Variants in ADAMTS17 observed in about 807,000 individuals in gnomAD.
The protein encoded by ADAMTS17 is ADAM metallopeptidase with thrombospondin type 1 motif 17.
ADAMTS17 carries 113 observed loss-of-function variants against 141.5 expected under a neutral mutation model. The ratio of observed to expected loss-of-function variants is 0.80; its 90% confidence interval spans 0.69 to 0.93. The LOEUF (loss-of-function observed/expected upper bound fraction) is 0.93. Among genes scored for constraint, ADAMTS17 ranks in the 40% least tolerant of loss-of-function variants. ADAMTS17 has a pLI of 0.00. For synonymous variants in ADAMTS17, 768 were observed against 630.6 expected (o/e 1.22, Z -3.27); for missense variants, 1,659 against 1,517.9 (o/e 1.09, Z -1.54).
intron 7 of ADAMTS17, among the ~76,000 whole-genome samples, chr15:100,236,535 C>CA (rs1002472783): frequency 6.6e-6 from 1 of 150,664 alleles, no homozygotes; most frequent in Non-Finnish European, 1.5e-5. Flanking sequence ...TAAATCTTTA[C>CA]AAAAAACAAA....
chr15:100,139,252 C>T (rs77466153), intron 10 of ADAMTS17, among the ~76,000 whole-genome samples: 3,390 of 152,144 alleles, frequency 0.022, 131 homozygotes, highest in African/African-American at 0.077. Flanking sequence ...TTATCAGGGG[C>T]GACTTAGCTC....
chr15:100,025,607 T>A (rs1344288059), intron 18 of ADAMTS17, among the ~76,000 whole-genome samples: 1 of 151,984 alleles, frequency 6.6e-6, no homozygotes, highest in African/African-American at 2.4e-5. Context: ...AGAGACAGGG[T>A]TTCACCACAT....
At chr15:100,257,101 C>T (rs772994375) in intron 6 of ADAMTS17, 35 of 152,198 alleles carry the variant, frequency 2.3e-4, no homozygotes, top group African/African-American at 7.5e-4. Context: ...GAACCTTAAA[C>T]GGGAGGAAAT....
intron 8 of ADAMTS17, among the ~76,000 whole-genome samples, chr15:100,172,039 C>T (rs1329834737): frequency 1.3e-5 from 2 of 152,178 alleles, no homozygotes; most frequent in Non-Finnish European, 2.9e-5. Flanking sequence ...TAATCCCTTC[C>T]AGGCTCTCAG....
intron 7 of ADAMTS17, among the ~76,000 whole-genome samples, chr15:100,210,666 T>C (rs8037367): frequency 0.2 from 30,404 of 152,172 alleles, 3,837 homozygotes; most frequent in Middle Eastern, 0.32. Context: ...TCACCAACAA[T>C]TGAAAATTAG....
chr15:100,009,957 A>C (rs1246827754), intron 18 of ADAMTS17, among the ~76,000 whole-genome samples: 1 of 152,168 alleles, frequency 6.6e-6, no homozygotes, highest in African/African-American at 2.4e-5. Flanking sequence ...TGTAGCTCCT[A>C]TAATTCCCAT....
intron 12 of ADAMTS17, among the ~76,000 whole-genome samples, chr15:100,127,025 C>T: frequency 6.6e-6 from 1 of 152,168 alleles, no homozygotes; most frequent in East Asian, 1.9e-4. Context: ...AAGACATTTA[C>T]ACTAACACCC....
intron 3 of ADAMTS17, among the ~76,000 whole-genome samples, chr15:100,283,214 A>G (rs141156146): frequency 1.9e-4 from 29 of 152,334 alleles, no homozygotes; most frequent in African/African-American, 6.7e-4. Context: ...CCTCCCTCAG[A>G]GCCAGGCCCA....
intron 8 of ADAMTS17, among the ~76,000 whole-genome samples, chr15:100,176,709 C>T (rs1270468453): frequency 6.6e-6 from 1 of 152,078 alleles, no homozygotes; most frequent in African/African-American, 2.4e-5. Flanking sequence ...GTGTAACCAC[C>T]ACAATCAAGA....
chr15:100,218,345 G>A (rs1442587751), intron 7 of ADAMTS17, among the ~76,000 whole-genome samples: 3 of 152,152 alleles, frequency 2.0e-5, no homozygotes, highest in African/African-American at 7.2e-5. Context: ...TTCTTGGGAA[G>A]AATCCAACAC....
chr15:100,080,756 T>A (rs1401565572), intron 15 of ADAMTS17, among the ~76,000 whole-genome samples: 1 of 152,382 alleles, frequency 6.6e-6, no homozygotes, highest in South Asian at 2.1e-4. Context: ...TTTTCCTTTA[T>A]CATGTGACAT....
chr15:100,202,289 T>G (rs542860744), intron 7 of ADAMTS17, among the ~76,000 whole-genome samples: 1 of 152,326 alleles, frequency 6.6e-6, no homozygotes, highest in South Asian at 2.1e-4. Flanking sequence ...GCATTTTAAT[T>G]TTTCCAAGGT....
intron 18 of ADAMTS17, among the ~76,000 whole-genome samples, chr15:100,004,693 G>T (rs374079476): frequency 6.8e-6 from 1 of 146,582 alleles, no homozygotes; most frequent in Non-Finnish European, 1.5e-5. Context: ...CAATCTCGGC[G>T]CACTGCAGCC....
At chr15:100,037,895 C>A (rs754807384) in intron 18 of ADAMTS17, among the ~76,000 whole-genome samples, 5 of 151,950 alleles carry the variant, frequency 3.3e-5, no homozygotes, top group Non-Finnish European at 5.9e-5. Context: ...CCCCCCACCA[C>A]CCAAGTAGCT....
intron 3 of ADAMTS17, among the ~76,000 whole-genome samples, chr15:100,312,828 C>A (rs2045446330): frequency 6.6e-6 from 1 of 151,512 alleles, no homozygotes. Context: ...TTTAATGTAC[C>A]AAAGGCCCTG....
intron 8 of ADAMTS17, among the ~76,000 whole-genome samples, chr15:100,174,536 T>G (rs1385340046): frequency 2.0e-5 from 3 of 152,232 alleles, no homozygotes; most frequent in African/African-American, 7.2e-5. Flanking sequence ...AGTATTTCGT[T>G]TACTTTTTAA....
At chr15:100,227,845 G>A (rs140119770) in intron 7 of ADAMTS17, among the ~76,000 whole-genome samples, 25 of 152,348 alleles carry the variant, frequency 1.6e-4, no homozygotes, top group Admixed American at 1.1e-3. Flanking sequence ...ACACAGCCCA[G>A]CAATGTATAA....
chr15:100,008,020 G>A (rs1464510454), intron 18 of ADAMTS17, among the ~76,000 whole-genome samples: 1 of 152,136 alleles, frequency 6.6e-6, no homozygotes, highest in African/African-American at 2.4e-5. Flanking sequence ...CACCTGTAGT[G>A]CTGGGGCCTG....
intron 20 of ADAMTS17, chr15:99,976,439 T>C (rs2060332470): frequency 3.0e-6 from 2 of 665,216 alleles, no homozygotes; most frequent in Admixed American, 2.2e-5. Context: ...GGCCTCACAA[T>C]GTGGCTGCCC....
Sources: gnomAD v4.1 joint callset for allele counts (sites outside exome capture counted in the v4.1 genomes callset) on GRCh38, gnomAD v4.1.1 for gene constraint, MANE v1.5 for transcripts, NCBI Gene and HGNC (gene_info 2026-07-23, HGNC 2026-07-21) for gene names.